Variants in GRIN2B observed in about 807,000 individuals in gnomAD.
The protein encoded by GRIN2B is glutamate ionotropic receptor NMDA type subunit 2B, also known as glutamate receptor ionotropic, NMDA 2B.
GRIN2B carries 5 observed loss-of-function variants against 114.5 expected under a neutral mutation model. The ratio of observed to expected loss-of-function variants is 0.04; its 90% confidence interval spans 0.02 to 0.09. GRIN2B has a LOEUF of 0.09. Among genes scored for constraint, GRIN2B ranks in the 10% least tolerant of loss-of-function variants. The probability of loss-of-function intolerance (pLI) is 1.00; values close to 1 mark genes in which losing one functional copy is unlikely to be tolerated. For missense variants in GRIN2B, 1,108 were observed against 1,943.5 expected, an observed-to-expected ratio of 0.57 and a Z score of 8.08; for synonymous variants, 787 against 745.1, an observed-to-expected ratio of 1.06 and a Z score of -0.92.
intron 3 of GRIN2B, among the ~76,000 whole-genome samples, chr12:13,848,379 G>A (rs541736838): frequency 1.1e-4 from 17 of 152,134 alleles, no homozygotes; most frequent in Admixed American, 8.5e-4. Flanking sequence ...GGACTGAATC[G>A]AACACTACTT....
intron 4 of GRIN2B, among the ~76,000 whole-genome samples, chr12:13,722,737 G>T (rs573452934): frequency 6.6e-6 from 1 of 152,208 alleles, no homozygotes; most frequent in South Asian, 2.1e-4. Context: ...GCTGACTCGA[G>T]TGACGATTTG....
At chr12:13,704,431 A>G (rs1393010585) in intron 4 of GRIN2B, among the ~76,000 whole-genome samples, 1 of 152,148 alleles carries the variant, frequency 6.6e-6, no homozygotes, top group East Asian at 1.9e-4. Flanking sequence ...TAACGACTCA[A>G]ACCAAATCCT....
chr12:13,954,812 A>G (rs1238135175), intron 2 of GRIN2B, among the ~76,000 whole-genome samples: 1 of 68,856 alleles, frequency 1.5e-5, no homozygotes, highest in African/African-American at 6.0e-5. Context: ...CCGTCTCAGG[A>G]AAAAAAAAAA....
intron 3 of GRIN2B, among the ~76,000 whole-genome samples, chr12:13,777,158 T>A (rs898475725): frequency 3.9e-5 from 6 of 152,058 alleles, no homozygotes; most frequent in Non-Finnish European, 1.5e-5. Flanking sequence ...TCAGCCCACA[T>A]CCCCTTTGGA....
At chr12:13,827,163 T>A (rs1865053689) in intron 3 of GRIN2B, among the ~76,000 whole-genome samples, 1 of 151,056 alleles carries the variant, frequency 6.6e-6, no homozygotes, top group African/African-American at 2.4e-5. Flanking sequence ...CTGGCTGTTT[T>A]AAATATTTTT....
At chr12:13,571,760 G>A (rs201734907) in intron 11 of GRIN2B, 44 bp downstream of exon 11, 32 of 1,603,124 alleles carry the variant, frequency 2.0e-5, no homozygotes, top group Non-Finnish European at 2.6e-5. Context: ...CTTAATAAAT[G>A]TGAGAAACAG....
At chr12:13,925,532 C>A (rs182404217) in intron 2 of GRIN2B, among the ~76,000 whole-genome samples, 1 of 152,228 alleles carries the variant, frequency 6.6e-6, no homozygotes, top group East Asian at 1.9e-4. Context: ...GTCAGACCAG[C>A]ACTTCTTACA....
chr12:13,945,214 C>T (rs1031092697), intron 2 of GRIN2B, among the ~76,000 whole-genome samples: 2 of 152,182 alleles, frequency 1.3e-5, no homozygotes, highest in African/African-American at 2.4e-5. Context: ...AAGCAAAATG[C>T]AACTAAGCAC....
chr12:13,577,232 A>G (rs1948788212), intron 10 of GRIN2B, among the ~76,000 whole-genome samples: 2 of 152,232 alleles, frequency 1.3e-5, no homozygotes, highest in South Asian at 4.1e-4. Flanking sequence ...CGCATTTAAC[A>G]CAGGGCTTCC....
intron 3 of GRIN2B, among the ~76,000 whole-genome samples, chr12:13,787,014 G>T (rs1009087152): frequency 5.9e-5 from 9 of 151,826 alleles, no homozygotes; most frequent in Admixed American, 5.9e-4. Flanking sequence ...TTGATAGACA[G>T]TTCTTACCTG....
intron 3 of GRIN2B, among the ~76,000 whole-genome samples, chr12:13,817,154 G>T (rs1485796537): frequency 2.0e-5 from 3 of 152,052 alleles, no homozygotes; most frequent in Non-Finnish European, 4.4e-5. Flanking sequence ...TTTGGAAATG[G>T]TTTTCTAGAA....
chr12:13,819,007 T>A (rs779206509), intron 3 of GRIN2B, among the ~76,000 whole-genome samples: 7 of 152,224 alleles, frequency 4.6e-5, no homozygotes, highest in Non-Finnish European at 1.0e-4. Context: ...AATGTCTATA[T>A]GTTGAAGGCC....
chr12:13,677,609 T>C (rs1390670722), intron 4 of GRIN2B, among the ~76,000 whole-genome samples: 1 of 152,106 alleles, frequency 6.6e-6, no homozygotes, highest in Non-Finnish European at 1.5e-5. Context: ...TATGCTTCCC[T>C]TCTATATCAT....
intron 3 of GRIN2B, among the ~76,000 whole-genome samples, chr12:13,845,008 A>C (rs1456509001): frequency 1.3e-5 from 2 of 152,062 alleles, no homozygotes; most frequent in South Asian, 2.1e-4. Context: ...ATTTCTCTGC[A>C]TACTTGAGCA....
rs1325073683 is a variant in GRIN2B at position 13,564,613 on chromosome 12, C to A, written c.2625G>T (p.Val875=). ...SRGIYSCIHG[V]AIEERQSVMN... ...TTACAGACTGGCGCTCCTCGATCGC[C>A]ACCCCATGGATGCAGCTGTAGATAC... Residue 875 remains valine, a synonymous_variant, in exon 14 of 14, where the codon GTG becomes GTT. Coordinates refer to ENST00000609686, the MANE Select transcript of GRIN2B (RefSeq NM_000834.5). This position sits in a 1 kb window ranked among gnomAD's most constrained non-coding sequence, Gnocchi z 4.8. 6.2e-7 allele frequency: 1 copy of A among 1,613,920 alleles called. No individual in the cohort carries two copies. Among genetic ancestry groups the A allele is most frequent in the Admixed American group, 1.7e-5 (1 of 60,020 alleles).
chr12:13,779,883 G>A (rs1300437850), intron 3 of GRIN2B, among the ~76,000 whole-genome samples: 1 of 152,196 alleles, frequency 6.6e-6, no homozygotes, highest in African/African-American at 2.4e-5. Context: ...CACGTCGCAA[G>A]AGTCTTATAA....
chr12:13,588,224 C>T (rs1948957701), intron 10 of GRIN2B, among the ~76,000 whole-genome samples: 1 of 152,126 alleles, frequency 6.6e-6, no homozygotes, highest in African/African-American at 2.4e-5. Flanking sequence ...AGCTAATTAA[C>T]AAATGGAAAA....
At chr12:13,788,934 GGA>G (rs1346394296) in intron 3 of GRIN2B, among the ~76,000 whole-genome samples, 1 of 152,172 alleles carries the variant, frequency 6.6e-6, no homozygotes, top group East Asian at 1.9e-4. Flanking sequence ...AACTGGCAAT[GGA>G]GATACAAAGC....
chr12:13,902,966 A>G (rs1866478579), intron 2 of GRIN2B, among the ~76,000 whole-genome samples: 1 of 152,158 alleles, frequency 6.6e-6, no homozygotes, highest in Non-Finnish European at 1.5e-5. Context: ...ATTTATTTGT[A>G]AATCAATATT....
Sources: allele counts gnomAD v4.1 joint callset (sites outside exome capture counted in the v4.1 genomes callset), GRCh38; gene constraint gnomAD v4.1.1; non-coding constraint Gnocchi (gnomAD v3.1); transcripts MANE v1.5; gene names NCBI Gene and HGNC (gene_info 2026-07-23, HGNC 2026-07-21).